The following PCDHA3 variants were observed in gnomAD, a reference collection of about 807,000 sequenced individuals.
PCDHA3 encodes the protein protocadherin alpha 3.
Under a neutral mutation model 62.2 loss-of-function variants are expected in PCDHA3, and 41 were observed. The observed-to-expected ratio is 0.66, with a 90% CI of 0.51 to 0.86. The LOEUF (loss-of-function observed/expected upper bound fraction) is 0.86, where lower values mean the gene tolerates loss of function less well. Among genes scored for constraint, PCDHA3 ranks in the 40% least tolerant of loss-of-function variants. The pLI, the probability that PCDHA3 is intolerant of heterozygous loss-of-function variation, is 0.00. For synonymous variants in PCDHA3, 640 were observed against 555.4 expected, an observed-to-expected ratio of 1.15 and a Z score of -2.14; for missense variants, 1,304 against 1,241.2, an observed-to-expected ratio of 1.05 and a Z score of -0.76.
chr5:140,994,911 A>C (rs527704488), intron 3 of PCDHA3, among the ~76,000 whole-genome samples: 4 of 152,222 alleles, frequency 2.6e-5, no homozygotes, highest in African/African-American at 9.6e-5. Flanking sequence ...TGTAGACTGG[A>C]ATCAGATTTT....
chr5:141,003,104 C>G (rs1447493860), intron 3 of PCDHA3, among the ~76,000 whole-genome samples: 1 of 152,236 alleles, frequency 6.6e-6, no homozygotes, highest in East Asian at 1.9e-4. Context: ...ATTTGCTTCA[C>G]AATCTTCTGG....
chr5:140,882,404 G>T, intron 1 of PCDHA3: 1 of 1,614,152 alleles, frequency 6.2e-7, no homozygotes, highest in Non-Finnish European at 8.5e-7. Context: ...CACCTTCGTG[G>T]GCCGCATCGC....
intron 1 of PCDHA3, among the ~76,000 whole-genome samples, chr5:140,846,538 C>A (rs553937365): frequency 1.3e-5 from 2 of 148,384 alleles, no homozygotes; most frequent in African/African-American, 4.9e-5. Context: ...CCATGCCCTG[C>A]TAATTTTTTG....
At chr5:140,841,894 G>C in intron 1 of PCDHA3, 1 of 1,613,814 alleles carries the variant, frequency 6.2e-7, no homozygotes. Flanking sequence ...AGAATAAACT[G>C]GTTGAGCTCG....
In PCDHA3 at chr5:140,982,463, G is replaced by A. The variant is rs781833977; in HGVS notation, c.2454-12G>A. 1 of 1,614,060 alleles carries A rather than the reference G, an allele frequency of 6.2e-7. No individual in the cohort carries two copies. The highest frequency in any genetic ancestry group is 1.3e-5 in the African/African-American group (1 of 74,928). On this transcript the variant is annotated splice_polypyrimidine_tract_variant and intron_variant, in intron 2 of 3. Coordinates refer to ENST00000522353, the MANE Select transcript of PCDHA3 (RefSeq NM_018906.3). ...TGATCTAACCGTTATCTGGGTCTGT[G>A]TGTTTATTCAGCTCTGTGCACCTAG...
At chr5:140,972,344 C>T (rs1379310170) in intron 1 of PCDHA3, among the ~76,000 whole-genome samples, 26 of 151,148 alleles carry the variant, frequency 1.7e-4, no homozygotes, top group African/African-American at 6.3e-4. Context: ...AGATGGGGGT[C>T]TCACTATGTT....
At chr5:140,850,426 G>T (rs2150483795) in intron 1 of PCDHA3, 2 of 1,597,836 alleles carry the variant, frequency 1.3e-6, no homozygotes, top group Non-Finnish European at 1.7e-6. Flanking sequence ...GACGCACCGC[G>T]CCAGCGCCTA....
At chr5:140,903,770 C>T (rs1583503336) in intron 1 of PCDHA3, among the ~76,000 whole-genome samples, 1 of 152,136 alleles carries the variant, frequency 6.6e-6, no homozygotes, top group Non-Finnish European at 1.5e-5. Flanking sequence ...CTGAACTTTT[C>T]TATCCATAAA....
intron 1 of PCDHA3, chr5:140,884,825 T>C (rs543714024): frequency 1.0e-6 from 1 of 967,424 alleles, no homozygotes; most frequent in Non-Finnish European, 1.5e-6. Flanking sequence ...CATTATGTGT[T>C]GGATTATCCT....
chr5:140,959,078 A>C (rs1489301308), intron 1 of PCDHA3, among the ~76,000 whole-genome samples: 1 of 152,128 alleles, frequency 6.6e-6, no homozygotes, highest in Non-Finnish European at 1.5e-5. Flanking sequence ...ATTCAGTATT[A>C]TCCTTGGTTT....
rs60872775 is a variant in PCDHA3 at position 140,857,509 on chromosome 5, C to G, written c.2394+53918C>G. 2,646 of 1,598,160 alleles carry G rather than the reference C, an allele frequency of 1.7e-3. 197 individuals carry two copies. In the African/African-American group the frequency reaches 0.032, roughly 19 times the overall value. ...GGGACGCGGACGCGCAGGAGAACGCCCTGGTGTCCTACTCTCTGGTGGAGC... is the reference window on the plus strand; with the variant it reads ...GGGACGCGGACGCGCAGGAGAACGCGCTGGTGTCCTACTCTCTGGTGGAGC... On this transcript the variant is annotated intron_variant, in intron 1 of 3. Transcript: ENST00000522353.
Position 140,828,302 on chromosome 5 carries a change from C to T in PCDHA3, c.2394+24711C>T, listed in dbSNP as rs2150153746. ...CCTGTTCAGGATGGCCTCCAAAGACCGCGAGGACCTTCTGGAGGTAAATCT... is the reference window on the plus strand; with the variant it reads ...CCTGTTCAGGATGGCCTCCAAAGACTGCGAGGACCTTCTGGAGGTAAATCT... On this transcript the variant is annotated intron_variant, in intron 1 of 3. Coordinates refer to ENST00000522353, the MANE Select transcript of PCDHA3 (RefSeq NM_018906.3). 3.1e-6 allele frequency: 5 copies of T among 1,614,032 alleles called. No individual in the cohort carries two copies. In the East Asian group the frequency reaches 1.1e-4, roughly 36 times the overall value.
chr5:140,924,472 GT>G (rs1436957745), intron 1 of PCDHA3, among the ~76,000 whole-genome samples: 2 of 152,188 alleles, frequency 1.3e-5, no homozygotes, highest in African/African-American at 4.8e-5. Context: ...GAGGTAACTG[GT>G]TTTTAGTGGA....
chr5:140,884,101 G>T lies in PCDHA3; in HGVS notation c.2394+80510G>T, dbSNP rs782222820. 6 of 1,613,486 alleles carry T rather than the reference G, an allele frequency of 3.7e-6. No individual in the cohort carries two copies. The highest frequency in any genetic ancestry group is 3.3e-4 in the Middle Eastern group (2 of 6,042). On this transcript the variant is annotated intron_variant, in intron 1 of 3. Coordinates refer to ENST00000522353, the MANE Select transcript of PCDHA3 (RefSeq NM_018906.3). ...ACAATGCGTGGCTTTCGTATGAATT[G>T]CAGCTGGCGGCGGTCGGCGCGCGCA...
At chr5:140,839,248 A>G (rs1776116247) in intron 1 of PCDHA3, among the ~76,000 whole-genome samples, 1 of 151,994 alleles carries the variant, frequency 6.6e-6, no homozygotes, top group Non-Finnish European at 1.5e-5. Flanking sequence ...CTTTGCTTTT[A>G]TGCTTACATG....
At chr5:140,850,747 C>T (rs2041801676) in intron 1 of PCDHA3, 3 of 1,597,716 alleles carry the variant, frequency 1.9e-6, no homozygotes, top group Non-Finnish European at 2.6e-6. Flanking sequence ...TGGTCGTACT[C>T]GCAGCAGAGG....
chr5:140,961,982 C>T (rs1367678374), intron 1 of PCDHA3, among the ~76,000 whole-genome samples: 2 of 151,650 alleles, frequency 1.3e-5, no homozygotes, highest in African/African-American at 4.9e-5. Context: ...CTCCTGGGTT[C>T]ACGCCATTGT....
At position 140,828,273 on chromosome 5, in the gene PCDHA3, C is replaced by T. The variant is rs2150153408; in HGVS notation, c.2394+24682C>T. ...GGGCTGGAGCTGGCGGAGCTGGTGC[C>T]GCGCCTGTTCAGGATGGCCTCCAAA... On this transcript the variant is annotated intron_variant, in intron 1 of 3. Transcript: ENST00000522353. The T allele has an allele frequency of 1.2e-5, 19 of 1,614,048 alleles. No individual in the cohort carries two copies. The highest frequency in any genetic ancestry group is 1.7e-5 in the Admixed American group (1 of 60,030).
At chr5:140,915,650 C>G (rs1554197017) in intron 1 of PCDHA3, among the ~76,000 whole-genome samples, 1 of 151,636 alleles carries the variant, frequency 6.6e-6, no homozygotes, top group Non-Finnish European at 1.5e-5. Flanking sequence ...CTCTCTCTCT[C>G]TCTCTCAAGG....
Sources: allele counts gnomAD v4.1 joint callset (sites outside exome capture counted in the v4.1 genomes callset), GRCh38; gene constraint gnomAD v4.1.1; transcripts MANE v1.5; gene names NCBI Gene and HGNC (gene_info 2026-07-23, HGNC 2026-07-21).